SIPA1L2: variants seen among roughly 807,000 people sequenced by gnomAD.
The protein encoded by SIPA1L2 is signal-induced proliferation-associated 1-like protein 2.
SIPA1L2 carries 56 observed loss-of-function variants against 163.9 expected under a neutral mutation model. That is an observed-to-expected ratio of 0.34 (90% confidence interval 0.28 to 0.43). The LOEUF (loss-of-function observed/expected upper bound fraction) is 0.43, where lower values mean the gene tolerates loss of function less well. SIPA1L2 is among the 20% of genes least tolerant of loss of function. The probability of loss-of-function intolerance (pLI) is 1.00; values close to 1 mark genes in which losing one functional copy is unlikely to be tolerated. For synonymous variants in SIPA1L2, 877 were observed against 865.7 expected (o/e 1.01, Z -0.23); for missense variants, 1,974 against 2,193.5 (o/e 0.90, Z 2.00).
intron 2 of SIPA1L2, among the ~76,000 whole-genome samples, chr1:232,519,055 T>C (rs1289109135): frequency 6.6e-6 from 1 of 152,198 alleles, no homozygotes; most frequent in East Asian, 1.9e-4. Flanking sequence ...GTTAACACTT[T>C]GCAGGACACT....
At chr1:232,499,454 A>G (rs527856283) in intron 3 of SIPA1L2, among the ~76,000 whole-genome samples, 23 of 152,256 alleles carry the variant, frequency 1.5e-4, no homozygotes, top group Non-Finnish European at 2.8e-4. Flanking sequence ...TCCCTTAAGC[A>G]AAAGCCTAAT....
intron 15 of SIPA1L2, among the ~76,000 whole-genome samples, chr1:232,432,994 T>A (rs1479778959): frequency 1.3e-5 from 2 of 152,116 alleles, no homozygotes; most frequent in Non-Finnish European, 2.9e-5. Flanking sequence ...GTTTGAGCAT[T>A]ACCTATGAAG....
At chr1:232,447,259 T>C (rs1413325128) in intron 10 of SIPA1L2, among the ~76,000 whole-genome samples, 1 of 152,250 alleles carries the variant, frequency 6.6e-6, no homozygotes, top group African/African-American at 2.4e-5. Flanking sequence ...TTAATATGGC[T>C]ACTGGAAAAT....
chr1:232,566,686 C>A (rs1346232209), intron 2 of SIPA1L2, among the ~76,000 whole-genome samples: 2 of 152,192 alleles, frequency 1.3e-5, no homozygotes, highest in East Asian at 3.8e-4. Flanking sequence ...CATTTAATCT[C>A]CACTTAAGTT....
intron 10 of SIPA1L2, among the ~76,000 whole-genome samples, chr1:232,458,980 A>C (rs191002725): frequency 5.8e-4 from 88 of 152,364 alleles, no homozygotes; most frequent in African/African-American, 2.0e-3. Context: ...CTGATACTCT[A>C]CAGAGAAAAC....
intron 4 of SIPA1L2, among the ~76,000 whole-genome samples, chr1:232,491,450 T>C (rs537109098): frequency 4.6e-5 from 7 of 152,260 alleles, no homozygotes; most frequent in African/African-American, 1.4e-4. Context: ...CCATCCTCCC[T>C]TTCTCCCATC....
At chr1:232,475,745 T>C (rs958915926) in intron 7 of SIPA1L2, among the ~76,000 whole-genome samples, 1 of 152,180 alleles carries the variant, frequency 6.6e-6, no homozygotes, top group Non-Finnish European at 1.5e-5. Context: ...CAAGAGCAAA[T>C]GTACAAACGA....
intron 1 of SIPA1L2, among the ~76,000 whole-genome samples, chr1:232,608,924 G>A (rs770537619): frequency 5.9e-5 from 9 of 151,752 alleles, no homozygotes; most frequent in East Asian, 1.9e-4. Context: ...ACAATAGGCC[G>A]GTCTTCTTAA....
At chr1:232,495,116 A>G (rs1435532621) in intron 3 of SIPA1L2, among the ~76,000 whole-genome samples, 1 of 152,248 alleles carries the variant, frequency 6.6e-6, no homozygotes, top group East Asian at 1.9e-4. Context: ...AATCACTCAG[A>G]ACACACACTA....
chr1:232,598,525 CA>C (rs1199845869), intron 1 of SIPA1L2, among the ~76,000 whole-genome samples: 1 of 152,194 alleles, frequency 6.6e-6, no homozygotes, highest in African/African-American at 2.4e-5. Flanking sequence ...TTAGCCTGTT[CA>C]AGCTGCTATA....
intron 2 of SIPA1L2, among the ~76,000 whole-genome samples, chr1:232,537,671 C>T (rs1657396871): frequency 6.6e-6 from 1 of 152,190 alleles, no homozygotes; most frequent in African/African-American, 2.4e-5. Flanking sequence ...AGAACCACAG[C>T]TCTACTTACT....
At chr1:232,495,921 A>G (rs538316332) in intron 3 of SIPA1L2, among the ~76,000 whole-genome samples, 2 of 152,380 alleles carry the variant, frequency 1.3e-5, no homozygotes, top group East Asian at 3.9e-4. Flanking sequence ...CAATGTGTGC[A>G]TTAAGCTAAA....
At chr1:232,479,791 T>C (rs1178648772) in intron 6 of SIPA1L2, 61 bp from the exon 7 acceptor site, 8 of 1,448,222 alleles carry the variant, frequency 5.5e-6, no homozygotes, top group Non-Finnish European at 7.7e-6. Context: ...TGCTTCGATA[T>C]TTAAAAGGTT....
chr1:232,492,528 T>C (rs1229361768), intron 4 of SIPA1L2, among the ~76,000 whole-genome samples: 2 of 152,204 alleles, frequency 1.3e-5, no homozygotes, highest in African/African-American at 4.8e-5. Context: ...TAATTCTTTA[T>C]ATAAATCAAT....
At chr1:232,434,121 T>C (rs1323421224) in intron 15 of SIPA1L2, among the ~76,000 whole-genome samples, 1 of 152,194 alleles carries the variant, frequency 6.6e-6, no homozygotes, top group Non-Finnish European at 1.5e-5. Context: ...GTTCCCGCGG[T>C]AGCAAGCTCC....
intron 6 of SIPA1L2, among the ~76,000 whole-genome samples, chr1:232,481,337 G>C (rs1048978248): frequency 1.3e-5 from 2 of 152,018 alleles, no homozygotes; most frequent in Non-Finnish European, 2.9e-5. Context: ...TGGATGATGA[G>C]AAGGCCTGGT....
chr1:232,422,439 G>C (rs2102802201), intron 18 of SIPA1L2, among the ~76,000 whole-genome samples: 1 of 152,300 alleles, frequency 6.6e-6, no homozygotes, highest in South Asian at 2.1e-4. Context: ...AGAAGCCTGT[G>C]ACTATGATAA....
At chr1:232,538,294 G>C (rs1192438173) in intron 2 of SIPA1L2, among the ~76,000 whole-genome samples, 1 of 152,156 alleles carries the variant, frequency 6.6e-6, no homozygotes, top group Non-Finnish European at 1.5e-5. Flanking sequence ...CAAGAGAAGA[G>C]GGGGTATGGG....
At chr1:232,513,705 T>A in intron 3 of SIPA1L2, 152 bp downstream of exon 3, 1 of 749,460 alleles carries the variant, frequency 1.3e-6, no homozygotes. Flanking sequence ...CTGGAAGCTA[T>A]GGAGGGACCA....
Sources: gnomAD v4.1 joint callset for allele counts (sites outside exome capture counted in the v4.1 genomes callset) on GRCh38, gnomAD v4.1.1 for gene constraint, MANE v1.5 for transcripts, NCBI Gene and HGNC (gene_info 2026-07-23, HGNC 2026-07-21) for gene names.